The following BACH1 variants were observed in gnomAD, a reference collection of about 807,000 sequenced individuals.
BACH1 encodes the protein transcription regulator protein BACH1.
A neutral mutation model predicts 52.9 loss-of-function variants in BACH1; 35 were observed. The ratio of observed to expected loss-of-function variants is 0.66; its 90% CI spans 0.51 to 0.88. The LOEUF (loss-of-function observed/expected upper bound fraction) is 0.88. Ranked by LOEUF, BACH1 falls within the 40% of genes least tolerant of loss-of-function variation. The probability of loss-of-function intolerance (pLI) is 0.00; values close to 1 mark genes in which losing one functional copy is unlikely to be tolerated. For synonymous variants in BACH1, 321 were observed against 319.6 expected, an observed-to-expected ratio of 1.00 and a Z score of -0.05; for missense variants, 808 against 872.6, an observed-to-expected ratio of 0.93 and a Z score of 0.93.
At chr21:29,322,386 T>G (rs918272893) in intron 2 of BACH1, among the ~76,000 whole-genome samples, 2 of 152,226 alleles carry the variant, frequency 1.3e-5, no homozygotes, top group African/African-American at 4.8e-5. Flanking sequence ...GTTGCGTCAT[T>G]TTTATATAGC....
At chr21:29,347,759 A>C (rs1172564637), downstream of BACH1, among the ~76,000 whole-genome samples, 1 of 152,216 alleles carries the variant, frequency 6.6e-6, no homozygotes, top group African/African-American at 2.4e-5. Flanking sequence ...AAATGAATTC[A>C]AAGGCTACTC....
chr21:29,349,275 A>G (rs1180012487), downstream of BACH1, among the ~76,000 whole-genome samples: 1 of 152,086 alleles, frequency 6.6e-6, no homozygotes, highest in Non-Finnish European at 1.5e-5. Context: ...AGAAGCTAGA[A>G]CCTTACAAGC....
At chr21:29,318,787 C>A (rs2088816326) in intron 1 of BACH1, among the ~76,000 whole-genome samples, 2 of 152,116 alleles carry the variant, frequency 1.3e-5, no homozygotes, top group African/African-American at 4.8e-5. Context: ...CTTTAGATTT[C>A]CGTTTCTAAG....
At chr21:29,340,957 A>G (rs1486366835) in intron 4 of BACH1, among the ~76,000 whole-genome samples, 1 of 150,658 alleles carries the variant, frequency 6.6e-6, no homozygotes, top group Non-Finnish European at 1.5e-5. Context: ...CACATTCTTG[A>G]CCTACATCTA....
At chr21:29,357,293 TC>T (rs1275727480) in intron 2 of BACH1, among the ~76,000 whole-genome samples, 4 of 152,148 alleles carry the variant, frequency 2.6e-5, no homozygotes, top group African/African-American at 4.8e-5. Context: ...CAAGTGAACT[TC>T]CGTCGGTATA....
intron 1 of BACH1, among the ~76,000 whole-genome samples, chr21:29,301,899 C>T (rs1171358878): frequency 6.6e-6 from 1 of 151,976 alleles, no homozygotes; most frequent in Non-Finnish European, 1.5e-5. Flanking sequence ...GTGCTGGGGG[C>T]GGGTGGCGGC....
chr21:29,337,479 CTG>C (rs1464260557), intron 4 of BACH1, among the ~76,000 whole-genome samples: 14 of 152,162 alleles, frequency 9.2e-5, no homozygotes, highest in Admixed American at 1.3e-4. Context: ...GTCTTCACTT[CTG>C]TGTTTATGTT....
chr21:29,328,229 G>A (rs2088937970), intron 3 of BACH1, among the ~76,000 whole-genome samples: 1 of 152,122 alleles, frequency 6.6e-6, no homozygotes, highest in South Asian at 2.1e-4. Flanking sequence ...ATTGATGAAT[G>A]TCTTAATTTA....
intron 1 of BACH1, among the ~76,000 whole-genome samples, chr21:29,312,728 C>G (rs1321992568): frequency 6.6e-6 from 1 of 152,102 alleles, no homozygotes; most frequent in Non-Finnish European, 1.5e-5. Context: ...AAGCCCTCTA[C>G]TAAAAAGATC....
In BACH1 at chr21:29,327,104, A is replaced by G; in HGVS notation, c.1280A>G (p.Gln427Arg). 6.2e-7 allele frequency: 1 copy of G among 1,614,258 alleles called. No homozygotes were observed. The highest frequency in any genetic ancestry group is 8.5e-7 in the Non-Finnish European group (1 of 1,180,052). The change falls in exon 3 of 5, where the codon CAG (glutamine) becomes CGG (arginine). Residue 427 changes from glutamine to arginine, a missense_variant. Physicochemically the swap from Gln to Arg is conservative, Grantham distance 43. Coordinates refer to ENST00000286800, the MANE Select transcript of BACH1 (RefSeq NM_001186.4). The stretch of plus-strand genomic sequence containing the variant: ...GCTGTGGCCAAAGATGGCTCAGAAC[A>G]GATCTCACAGAAACGGTCTGAGTGT... ...SPAVAKDGSE[Q>R]ISQKRSECPW...
chr21:29,343,757 C>T lies in BACH1; in HGVS notation c.*924C>T, dbSNP rs1444459663. 6.6e-6 allele frequency: 1 copy of T among 152,194 alleles called. No individual in the cohort carries two copies. The highest frequency in any genetic ancestry group is 1.5e-5 in the Non-Finnish European group (1 of 68,022). 9.4% of individuals were successfully genotyped at this position (152,194 alleles called of 1,614,324 possible). On this transcript the variant is annotated 3_prime_UTR_variant, in exon 5 of 5. Coordinates refer to ENST00000286800, the MANE Select transcript of BACH1 (RefSeq NM_001186.4). ...GGGTCACCAATGCCAGAAAACCAGA[C>T]ATCACGGGGAAAGAATGTTGCTTAC...
chr21:29,330,185 G>GAT (rs2088963924), intron 4 of BACH1, among the ~76,000 whole-genome samples: 1 of 152,162 alleles, frequency 6.6e-6, no homozygotes, highest in Non-Finnish European at 1.5e-5. Context: ...TCTTTTTTGA[G>GAT]ATGGAGTCTT....
intron 2 of BACH1, among the ~76,000 whole-genome samples, chr21:29,356,421 C>T (rs1468961346): frequency 6.6e-6 from 1 of 152,204 alleles, no homozygotes; most frequent in Non-Finnish European, 1.5e-5. Flanking sequence ...TAAGGTTTGG[C>T]TGAGTGCAAA....
chr21:29,332,591 C>G (rs1416357215), intron 4 of BACH1, among the ~76,000 whole-genome samples: 1 of 152,160 alleles, frequency 6.6e-6, no homozygotes, highest in East Asian at 1.9e-4. Flanking sequence ...TAACAGGGAA[C>G]AGAAGTGGAA....
intron 2 of BACH1, among the ~76,000 whole-genome samples, chr21:29,357,640 A>G (rs2089242974): frequency 6.6e-6 from 1 of 152,142 alleles, no homozygotes; most frequent in South Asian, 2.1e-4. Flanking sequence ...ACTACCCTTA[A>G]AGAGTGAGGC....
In BACH1 at chr21:29,330,440, A is replaced by G. The variant is rs2088967463; in HGVS notation, c.1776+747A>G. Among the ~76,000 whole-genome samples, 4 of 152,052 alleles carry G rather than the reference A, an allele frequency of 2.6e-5. No homozygotes were observed. In the South Asian group the frequency reaches 6.2e-4, roughly 24 times the overall value. ...CGTGATCTGCCTGTCTCGGCCTCCC[A>G]AAGGGATTTCAGGCATGAGCCACCG... On this transcript the variant is annotated intron_variant, in intron 4 of 4. Transcript: ENST00000286800.
At chr21:29,314,277 A>G (rs2088761498) in intron 1 of BACH1, among the ~76,000 whole-genome samples, 1 of 152,140 alleles carries the variant, frequency 6.6e-6, no homozygotes, top group African/African-American at 2.4e-5. Context: ...ATTTACTTCC[A>G]AGCTCTTCTA....
chr21:29,311,632 TTACTC>T lies in BACH1; in HGVS notation c.-60-9584_-60-9580del, dbSNP rs368655478. Among the ~76,000 whole-genome samples the T allele has an allele frequency of 3.4e-3, 524 of 152,318 alleles. 3 individuals carry two copies. Among genetic ancestry groups the T allele is most frequent in the Middle Eastern group, 6.8e-3 (2 of 294 alleles). On this transcript the variant is annotated intron_variant, in intron 1 of 4. Transcript: ENST00000286800. ...GTATTACTGTGGGTGATGATTTCGT[TTACTC>T]TACTATCCCCCCACATGTATTTGTA...
intron 1 of BACH1, among the ~76,000 whole-genome samples, chr21:29,312,960 T>C (rs1388623073): frequency 6.6e-6 from 1 of 152,178 alleles, no homozygotes; most frequent in Non-Finnish European, 1.5e-5. Flanking sequence ...AAATGGCTAA[T>C]AAGCACATGT....
Sources: gnomAD v4.1 joint callset for allele counts (sites outside exome capture counted in the v4.1 genomes callset) on GRCh38, gnomAD v4.1.1 for gene constraint, MANE v1.5 for transcripts, NCBI Gene and HGNC (gene_info 2026-07-23, HGNC 2026-07-21) for gene names.